The following ATP1B4 variants were observed in gnomAD, a reference collection of about 807,000 sequenced individuals.
ATP1B4 encodes ATPase Na+/K+ transporting family member beta 4, also known as protein ATP1B4.
Under a neutral mutation model 29.6 loss-of-function variants are expected in ATP1B4, and 32 were observed. The ratio of observed to expected loss-of-function variants is 1.08; its 90% confidence interval spans 0.82 to 1.45. The LOEUF (loss-of-function observed/expected upper bound fraction) is 1.45, where lower values mean the gene tolerates loss of function less well. ATP1B4 is among the 40% of genes most tolerant of loss of function. The probability of loss-of-function intolerance (pLI) is 0.00; values close to 1 mark genes in which losing one functional copy is unlikely to be tolerated. For missense variants in ATP1B4, 323 were observed against 276.2 expected, an observed-to-expected ratio of 1.17 and a Z score of -1.20; for synonymous variants, 127 against 102.1, an observed-to-expected ratio of 1.24 and a Z score of -1.47.
intron 4 of ATP1B4, among the ~76,000 whole-genome samples, chrX:120,372,251 A>G (rs765063502): frequency 1.5e-4 from 14 of 92,078 alleles, no homozygotes; most frequent in South Asian, 4.0e-4. Flanking sequence ...CTTTGTGGGG[A>G]AAAAAATGCC....
chrX:120,383,038 G>A lies in ATP1B4; in HGVS notation c.*3404G>A, dbSNP rs186553714. 1.5e-4 allele frequency: 17 copies of A among 112,023 alleles called. No individual in the cohort carries two copies. Among genetic ancestry groups the A allele is most frequent in the African/African-American group, 5.5e-4 (17 of 30,926 alleles). The allele number at this position is 112,023 out of a possible 1,213,427, so 9.2% of individuals were successfully genotyped here. A position where few individuals can be genotyped will look rare whatever the true frequency, so the allele number is the denominator to read the frequency against. On this transcript the variant is annotated 3_prime_UTR_variant, in exon 8 of 8. Transcript: ENST00000218008. The stretch of plus-strand genomic sequence containing the variant: ...CACTTGGTTTTACTTGCTTGTCAAT[G>A]AGAAATACTACTTCCAAATGTCTTC...
rs1220337497 is a variant in ATP1B4 at position 120,364,041 on chromosome X, G to A, written c.63+1810G>A. Among the ~76,000 whole-genome samples the A allele has an allele frequency of 3.6e-5, 4 of 110,607 alleles. No individual in the cohort carries two copies. In the South Asian group the frequency reaches 1.2e-3, roughly 32 times the overall value. On this transcript the variant is annotated intron_variant, in intron 1 of 7. Transcript: ENST00000218008. Reference sequence around the variant, plus strand: ...TCAGGAACCTCTCACAGCCTCTCGGGTGTGAGAGCTGTAGGGGCAAATTAG... The same window carrying A: ...TCAGGAACCTCTCACAGCCTCTCGGATGTGAGAGCTGTAGGGGCAAATTAG...
At chrX:120,371,826 G>A (rs2058315040) in intron 4 of ATP1B4, among the ~76,000 whole-genome samples, 2 of 111,842 alleles carry the variant, frequency 1.8e-5, no homozygotes, top group South Asian at 3.8e-4. Context: ...GTGCCACCAC[G>A]CCCTGCTAAT....
chrX:120,371,813 T>G (rs2058314925), intron 4 of ATP1B4, among the ~76,000 whole-genome samples: 1 of 112,043 alleles, frequency 8.9e-6, no homozygotes, highest in African/African-American at 3.2e-5. Context: ...GGACTACATG[T>G]GCGTGCCACC....
chrX:120,378,558 C>T, intron 6 of ATP1B4, 120 bp from the exon 7 acceptor site: 1 of 609,181 alleles, frequency 1.6e-6, no homozygotes, highest in South Asian at 2.5e-5. Flanking sequence ...CTTTCATGGT[C>T]TTCCTGGAAC....
In ATP1B4 at chrX:120,376,264, T is replaced by A; in HGVS notation, c.760-116T>A. 6.2e-6 allele frequency: 4 copies of A among 647,449 alleles called. No individual in the cohort carries two copies. The South Asian group carries it at 1.1e-4, about 18-fold the overall frequency. 53.4% of individuals were successfully genotyped at this position (647,449 alleles called of 1,213,427 possible). On this transcript the variant is annotated intron_variant, in intron 5 of 7. Transcript: ENST00000218008. ...TTGTAACATTTCTGAGAAGGCGAAA[T>A]AGATGAAGCATATGCCTGAGGAAGC...
chrX:120,374,810 T>TA (rs1319235484), intron 4 of ATP1B4, among the ~76,000 whole-genome samples: 1 of 7,704 alleles, frequency 1.3e-4, no homozygotes, highest in African/African-American at 3.5e-4. Context: ...ATATATTATA[T>TA]TATATATAAG....
At chrX:120,371,084 C>T in intron 3 of ATP1B4, 22 bp from the exon 4 acceptor site, 1 of 1,178,741 alleles carries the variant, frequency 8.5e-7, no homozygotes. Context: ...TTAATATATC[C>T]AAGACCTGTT....
rs2058376173 is a variant in ATP1B4, at chrX:120,380,316, A to G, written c.*682A>G. On this transcript the variant is annotated 3_prime_UTR_variant, in exon 8 of 8. Coordinates refer to ENST00000218008, the MANE Select transcript of ATP1B4 (RefSeq NM_001142447.3). ...AAGACCGCTATACCTAAAGACCTCT[A>G]TATCCTGGTGCCTAAGAAACTTCTG... 1 of 111,795 alleles carries G rather than the reference A, an allele frequency of 8.9e-6. No individual in the cohort carries two copies. Among genetic ancestry groups the G allele is most frequent in the African/African-American group, 3.3e-5 (1 of 30,701 alleles). 9.2% of individuals were successfully genotyped at this position (111,795 alleles called of 1,213,427 possible). A position where few individuals can be genotyped will look rare whatever the true frequency, so the allele number is the denominator to read the frequency against.
intron 4 of ATP1B4, among the ~76,000 whole-genome samples, chrX:120,373,718 C>G (rs1043392434): frequency 8.9e-5 from 10 of 112,197 alleles, no homozygotes; most frequent in Middle Eastern, 4.6e-3. Flanking sequence ...TACATTCCAT[C>G]CAATGTAAAA....
At chrX:120,374,500 G>A (rs1311597378) in intron 4 of ATP1B4, among the ~76,000 whole-genome samples, 1 of 86,085 alleles carries the variant, frequency 1.2e-5, no homozygotes, top group Non-Finnish European at 2.2e-5. Context: ...GGATATATAA[G>A]GATATACCCT....
At chrX:120,376,633 G>A (rs2058357885) in intron 6 of ATP1B4, among the ~76,000 whole-genome samples, 197 bp downstream of exon 6, 1 of 111,692 alleles carries the variant, frequency 9.0e-6, no homozygotes, top group Non-Finnish European at 1.9e-5. Flanking sequence ...TGTGTATAGT[G>A]TATGTGTGTG....
intron 2 of ATP1B4, among the ~76,000 whole-genome samples, chrX:120,368,748 T>C (rs1379705428): frequency 9.0e-6 from 1 of 111,692 alleles, no homozygotes. Flanking sequence ...CACGGTGTTT[T>C]AGTGGGAGAA....
In ATP1B4 at chrX:120,379,774, A is replaced by C. The variant is rs2227305; in HGVS notation, c.*140A>C. The stretch of plus-strand genomic sequence containing the variant: ...AGCCGATCATCTTTCCTTGCCTATG[A>C]CATGTGTATAAAATGACATTGTGGG... On this transcript the variant is annotated 3_prime_UTR_variant, in exon 8 of 8. Coordinates refer to ENST00000218008, the MANE Select transcript of ATP1B4 (RefSeq NM_001142447.3). 10,368 of 603,845 alleles carry C rather than the reference A, an allele frequency of 0.017. 379 individuals are homozygous for C. Among genetic ancestry groups the C allele is most frequent in the African/African-American group, 0.13 (5,374 of 42,824 alleles). 49.8% of individuals were successfully genotyped at this position (603,845 alleles called of 1,213,427 possible).
At chrX:120,376,174 G>A (rs2058353991) in intron 5 of ATP1B4, among the ~76,000 whole-genome samples, 1 of 111,157 alleles carries the variant, frequency 9.0e-6, no homozygotes, top group African/African-American at 3.3e-5. Context: ...TAAATACCAG[G>A]CATAAATACA....
rs912683537 is a variant in ATP1B4 at position 120,375,515 on chromosome X, C to T, written c.706C>T (p.Pro236Ser). The T allele has an allele frequency of 2.0e-5, 24 of 1,208,405 alleles. No homozygotes were observed. The highest frequency in any genetic ancestry group is 2.7e-5 in the Non-Finnish European group (24 of 894,757). The change falls in exon 5 of 8, where the codon CCA becomes TCA. Residue 236 changes from proline (P) to serine (S), a missense_variant. By Grantham distance (74) the Pro-to-Ser change is moderately conservative (BLOSUM62 -1). Coordinates refer to ENST00000218008, the MANE Select transcript of ATP1B4 (RefSeq NM_001142447.3). ...AAAGAACTGCTCTGGTCTGGAGGAC[C>T]CAACTTTTGGATACTCTACTGGACA... ...FLKNCSGLED[P>S]TFGYSTGQPC...
Position 120,362,269 on chromosome X carries a change from C to T in ATP1B4, c.63+38C>T, listed in dbSNP as rs184247693. ...GAGCAGAATATTTTGCTGCCCCCTC[C>T]CCTTTTATTTTAATGGGGTGGGTTG... On this transcript the variant is annotated intron_variant, in intron 1 of 7. Coordinates refer to ENST00000218008, the MANE Select transcript of ATP1B4 (RefSeq NM_001142447.3). 88 of 1,152,081 alleles carry T rather than the reference C, an allele frequency of 7.6e-5. 2 individuals carry two copies. Among genetic ancestry groups the T allele is most frequent in the Admixed American group, 3.5e-4 (16 of 45,633 alleles). 94.9% of individuals were successfully genotyped at this position (1,152,081 alleles called of 1,213,427 possible).
intron 5 of ATP1B4, 94 bp downstream of exon 5, chrX:120,375,662 AC>A (rs1194471889): frequency 6.5e-6 from 5 of 771,963 alleles, no homozygotes; most frequent in Non-Finnish European, 9.2e-6. Flanking sequence ...GTCTTCACAC[AC>A]CACAGGTTTG....
At chrX:120,371,262 G>A (rs2147251732) in intron 4 of ATP1B4, 52 bp downstream of exon 4, 1 of 1,025,016 alleles carries the variant, frequency 9.8e-7, no homozygotes, top group African/African-American at 1.9e-5. Flanking sequence ...GTGATGGGTG[G>A]GAATCCAAAA....
Sources: gnomAD v4.1 joint callset for allele counts (sites outside exome capture counted in the v4.1 genomes callset) on GRCh38, gnomAD v4.1.1 for gene constraint, MANE v1.5 for transcripts, NCBI Gene and HGNC (gene_info 2026-07-23, HGNC 2026-07-21) for gene names.